The following NBEA variants were observed in gnomAD, a reference collection of about 807,000 sequenced individuals.
NBEA encodes the protein lysosomal-trafficking regulator 2.
A neutral mutation model predicts 343.4 loss-of-function variants in NBEA; 44 were observed. The ratio of observed to expected loss-of-function variants is 0.13; its 90% CI spans 0.10 to 0.16. The LOEUF (loss-of-function observed/expected upper bound fraction) is 0.16, where lower values mean the gene tolerates loss of function less well. Among genes scored for constraint, NBEA ranks in the 10% least tolerant of loss-of-function variants. NBEA has a pLI of 1.00. For synonymous variants in NBEA, 1,175 were observed against 1,238.7 expected, an observed-to-expected ratio of 0.95 and a Z score of 1.08; for missense variants, 2,555 against 3,631.3, an observed-to-expected ratio of 0.70 and a Z score of 7.62.
At chr13:35,426,602 G>T (rs1594595890) in intron 38 of NBEA, among the ~76,000 whole-genome samples, 1 of 152,172 alleles carries the variant, frequency 6.6e-6, no homozygotes, top group African/African-American at 2.4e-5. Context: ...TTCAACTTTG[G>T]TGAATCTGAC....
intron 49 of NBEA, among the ~76,000 whole-genome samples, chr13:35,631,638 T>TAAAAAAAAAAAAAAAAAA (rs59333937): frequency 1.3e-4 from 17 of 126,454 alleles, no homozygotes; most frequent in African/African-American, 5.2e-4. Context: ...GTCTCCTTTG[T>TAAAAAAAAAAAAAAAAAA]AAAAAAAAAA....
intron 38 of NBEA, among the ~76,000 whole-genome samples, chr13:35,416,070 T>C (rs2043888015): frequency 6.6e-6 from 1 of 152,208 alleles, no homozygotes; most frequent in African/African-American, 2.4e-5. Context: ...CTTGTGATTT[T>C]TGCAGATTGA....
Position 35,098,332 on chromosome 13 carries a change from A to C in NBEA, c.1607A>C (p.Lys536Thr). The change falls in exon 11 of 59, where the codon AAA becomes ACA. Residue 536 changes from lysine to threonine, a missense_variant. Lys to Thr is a moderately conservative substitution (Grantham distance 78, BLOSUM62 -1). This residue lies in a region of NBEA where 360 missense variants were observed against 519.1 expected (regional missense o/e 0.69). Transcript: ENST00000379939. The stretch of plus-strand genomic sequence containing the variant: ...TTGGCATTCCTGGTTGAACTACTTA[A>C]AAGTTCAGTAGCCATGCAAGAACAG... ...TLLAFLVELLKSSVAMQEQML... is the reference protein window; with the variant it reads ...TLLAFLVELLTSSVAMQEQML... 6.3e-7 allele frequency: 1 copy of C among 1,591,754 alleles called. No homozygotes were observed. The highest frequency in any genetic ancestry group is 8.6e-7 in the Non-Finnish European group (1 of 1,167,610).
In NBEA at chr13:35,475,764, C is replaced by T. The variant is rs1162172128; in HGVS notation, c.6585+3228C>T. 1.9e-6 allele frequency: 3 copies of T among 1,613,936 alleles called. No individual in the cohort carries two copies. In the Admixed American group the frequency reaches 5.0e-5, roughly 27 times the overall value. ...TCTGAAACCTGGACCGGATTTTGCGCGCCGAGAGGTAGCCGGAGGCGGTAA... is the reference window on the plus strand; with the variant it reads ...TCTGAAACCTGGACCGGATTTTGCGTGCCGAGAGGTAGCCGGAGGCGGTAA... On this transcript the variant is annotated intron_variant, in intron 41 of 58. Coordinates refer to ENST00000379939, the MANE Select transcript of NBEA (RefSeq NM_001385012.1).
chr13:34,943,246 G>GGTATT (rs2059086481), intron 1 of NBEA, 132 bp downstream of exon 1: 11 of 1,235,540 alleles, frequency 8.9e-6, no homozygotes, highest in Non-Finnish European at 1.1e-5. Context: ...GCGTTCAGCC[G>GGTATT]GTATTGCCCA....
intron 36 of NBEA, among the ~76,000 whole-genome samples, chr13:35,310,072 T>C (rs2037255639): frequency 1.3e-5 from 2 of 149,686 alleles, no homozygotes; most frequent in Admixed American, 1.3e-4. Context: ...TATTCTATTA[T>C]TTTTTTTTTC....
At chr13:35,174,245 T>C (rs970159831) in intron 27 of NBEA, among the ~76,000 whole-genome samples, 21 of 152,116 alleles carry the variant, frequency 1.4e-4, no homozygotes, top group Non-Finnish European at 2.8e-4. Flanking sequence ...AAAGTATTCA[T>C]CCTTATTTTT....
intron 41 of NBEA, among the ~76,000 whole-genome samples, chr13:35,509,593 T>G (rs2077198484): frequency 1.3e-5 from 2 of 152,226 alleles, no homozygotes; most frequent in Non-Finnish European, 2.9e-5. Flanking sequence ...TTTGTGGTGT[T>G]CTACTTCTAG....
chr13:35,417,907 A>C (rs1291729953), intron 38 of NBEA, among the ~76,000 whole-genome samples: 1 of 152,068 alleles, frequency 6.6e-6, no homozygotes, highest in African/African-American at 2.4e-5. Flanking sequence ...TGCTTTATGA[A>C]CCTGGGTGCT....
At chr13:35,452,329 T>C (rs1247811948) in intron 40 of NBEA, 94 bp downstream of exon 40, 2 of 895,196 alleles carry the variant, frequency 2.2e-6, no homozygotes, top group African/African-American at 3.4e-5. Flanking sequence ...TGTGTGCCAA[T>C]GGTTGTAACA....
At chr13:35,457,535 T>C (rs972990219) in intron 40 of NBEA, among the ~76,000 whole-genome samples, 1 of 152,220 alleles carries the variant, frequency 6.6e-6, no homozygotes, top group Non-Finnish European at 1.5e-5. Flanking sequence ...AATGGAATCA[T>C]AGATAGACTT....
chr13:35,511,144 C>T (rs2077257767), intron 41 of NBEA, among the ~76,000 whole-genome samples: 2 of 152,136 alleles, frequency 1.3e-5, no homozygotes, highest in Admixed American at 1.3e-4. Flanking sequence ...CAAATAAATA[C>T]TCAAGTAAAA....
At chr13:35,274,230 A>C (rs1213484286) in intron 34 of NBEA, among the ~76,000 whole-genome samples, 1 of 152,242 alleles carries the variant, frequency 6.6e-6, no homozygotes, top group Non-Finnish European at 1.5e-5. Flanking sequence ...AATAAACATA[A>C]TCCATGACAT....
intron 36 of NBEA, among the ~76,000 whole-genome samples, chr13:35,339,879 G>A (rs751550818): frequency 2.0e-5 from 3 of 152,012 alleles, no homozygotes; most frequent in Non-Finnish European, 4.4e-5. Flanking sequence ...TTCCCACCAA[G>A]CCCCACCTCC....
chr13:35,172,454 G>T (rs1208875352), intron 26 of NBEA, among the ~76,000 whole-genome samples: 5 of 151,070 alleles, frequency 3.3e-5, no homozygotes, highest in Non-Finnish European at 7.4e-5. Flanking sequence ...GTGAGAAAGA[G>T]ATATATATAT....
intron 39 of NBEA, among the ~76,000 whole-genome samples, chr13:35,439,702 C>T (rs1265328210): frequency 6.6e-6 from 1 of 151,940 alleles, no homozygotes; most frequent in Non-Finnish European, 1.5e-5. Context: ...GCACGTTGTG[C>T]ACATGTATCC....
chr13:35,441,696 A>T (rs1225608979), intron 39 of NBEA, among the ~76,000 whole-genome samples: 1 of 152,118 alleles, frequency 6.6e-6, no homozygotes, highest in African/African-American at 2.4e-5. Flanking sequence ...AAATGATTGG[A>T]TTGAGATCAA....
At chr13:34,969,432 G>A (rs1318485267) in intron 1 of NBEA, among the ~76,000 whole-genome samples, 4 of 151,660 alleles carry the variant, frequency 2.6e-5, no homozygotes, top group African/African-American at 9.7e-5. Flanking sequence ...TACAGGTAGA[G>A]TGCTTTTGGG....
chr13:35,476,165 C>T (rs753005821), intron 41 of NBEA: 16 of 1,612,294 alleles, frequency 9.9e-6, no homozygotes, highest in Non-Finnish European at 1.4e-5. Context: ...GGATTGTACA[C>T]CGGAGTCTCG....
Sources: allele counts gnomAD v4.1 joint callset (sites outside exome capture counted in the v4.1 genomes callset), GRCh38; gene constraint gnomAD v4.1.1; regional missense constraint gnomAD v4.1.1; transcripts MANE v1.5; gene names NCBI Gene and HGNC (gene_info 2026-07-23, HGNC 2026-07-21).